Variants in PDE12 observed in about 807,000 individuals in gnomAD.
PDE12 encodes the protein 2',5'-phosphodiesterase 12.
Under a neutral mutation model 45.4 loss-of-function variants are expected in PDE12, and 26 were observed. The ratio of observed to expected loss-of-function variants is 0.57; its 90% CI spans 0.42 to 0.79. The LOEUF is 0.79. Among genes scored for constraint, PDE12 ranks in the 30% least tolerant of loss-of-function variants. The pLI, the probability that PDE12 is intolerant of heterozygous loss-of-function variation, is 0.00. For synonymous variants in PDE12, 283 were observed against 323.9 expected (o/e 0.87, Z 1.36); for missense variants, 668 against 790.0 (o/e 0.85, Z 1.85).
the PDE12 span, among the ~76,000 whole-genome samples, chr3:57,623,678 C>A: frequency 6.6e-6 from 1 of 151,900 alleles, no homozygotes; most frequent in Non-Finnish European, 1.5e-5. Flanking sequence ...GACTCCCTCT[C>A]AAAAAAATAA....
chr3:57,590,080 ACT>A, the PDE12 span, among the ~76,000 whole-genome samples: 1 of 142,662 alleles, frequency 7.0e-6, no homozygotes, highest in Non-Finnish European at 1.5e-5. Context: ...ACAGACCAAG[ACT>A]CTGTCTCAAT....
the PDE12 span, among the ~76,000 whole-genome samples, chr3:57,582,711 C>T: frequency 7.0e-6 from 1 of 143,358 alleles, no homozygotes; most frequent in Admixed American, 7.4e-5. Context: ...CATTGCAAGT[C>T]TTAAAAATAT....
the PDE12 span, among the ~76,000 whole-genome samples, chr3:57,624,015 G>T: frequency 6.6e-6 from 1 of 152,070 alleles, no homozygotes; most frequent in Non-Finnish European, 1.5e-5. Context: ...TATAGACAGG[G>T]TCTCACTCTG....
chr3:57,572,479 G>A, the PDE12 span, among the ~76,000 whole-genome samples: 4 of 152,148 alleles, frequency 2.6e-5, no homozygotes, highest in African/African-American at 9.7e-5. Flanking sequence ...CCAGCACTTT[G>A]GGAGGCGGAG....
chr3:57,606,964 A>AC, the PDE12 span, among the ~76,000 whole-genome samples: 1 of 151,986 alleles, frequency 6.6e-6, no homozygotes, highest in African/African-American at 2.4e-5. Context: ...TGGGTCCCTG[A>AC]CCCCCGAGTA....
chr3:57,604,627 G>GC, the PDE12 span, among the ~76,000 whole-genome samples: 3 of 40,472 alleles, frequency 7.4e-5, no homozygotes, highest in East Asian at 9.1e-4. Context: ...TGGGGGGGGT[G>GC]GGTGGGACAG....
At chr3:57,577,301 A>C in the PDE12 span, 2 of 1,603,746 alleles carry the variant, frequency 1.2e-6, no homozygotes, top group Non-Finnish European at 1.7e-6. Flanking sequence ...GATGAATTTA[A>C]AGTATATTTC....
chr3:57,631,223 G>A, the PDE12 span: 1 of 431,510 alleles, frequency 2.3e-6, no homozygotes, highest in South Asian at 3.0e-5. Flanking sequence ...TTGAGACAGA[G>A]CCTTGTTCTG....
the PDE12 span, chr3:57,597,211 G>A: frequency 1.4e-6 from 2 of 1,447,364 alleles, no homozygotes; most frequent in African/African-American, 2.8e-5. Flanking sequence ...CTCCTTTCAA[G>A]CTCCCAGGCA....
At chr3:57,639,405 C>A in the PDE12 span, among the ~76,000 whole-genome samples, 1 of 152,080 alleles carries the variant, frequency 6.6e-6, no homozygotes, top group Admixed American at 6.6e-5. Context: ...TGATTTTGTG[C>A]AAAAGTTATC....
the PDE12 span, among the ~76,000 whole-genome samples, chr3:57,618,607 G>GTTTTTTTTTTTTT: frequency 3.1e-3 from 246 of 79,374 alleles, 10 homozygotes; most frequent in Non-Finnish European, 3.9e-3. Flanking sequence ...TTGCTTTTGT[G>GTTTTTTTTTTTTT]TTTTTTTTTT....
chr3:57,634,084 C>T, the PDE12 span, among the ~76,000 whole-genome samples: 881 of 152,178 alleles, frequency 5.8e-3, 8 homozygotes, highest in African/African-American at 0.02. Flanking sequence ...GCCCCAAATT[C>T]ATGCCCATAC....
At chr3:57,583,805 A>G in the PDE12 span, 2 of 866,842 alleles carry the variant, frequency 2.3e-6, no homozygotes, top group African/African-American at 3.5e-5. Context: ...CTCATAGTAA[A>G]CACCAATATC....
rs1318455627 is a variant in PDE12, at chr3:57,564,464, C to T, written c.*4460C>T. The T allele has an allele frequency of 1.3e-5, 2 of 152,134 alleles. No individual in the cohort carries two copies. The highest frequency in any genetic ancestry group is 4.8e-5 in the African/African-American group (2 of 41,440). The allele number at this position is 152,134 out of a possible 1,614,324, so 9.4% of individuals were successfully genotyped here. On this transcript the variant is annotated 3_prime_UTR_variant, in exon 3 of 3. Coordinates refer to ENST00000311180, the MANE Select transcript of PDE12 (RefSeq NM_177966.7). ...TGTATGTCAAAGCATTTATATAACA[C>T]AGTCCATTTTGCCCAGTAATTCACT...
the PDE12 span, among the ~76,000 whole-genome samples, chr3:57,582,418 T>C: frequency 7.0e-6 from 1 of 143,272 alleles, no homozygotes; most frequent in South Asian, 2.5e-4. Context: ...AATTTTTGTA[T>C]TTTTAGTAAA....
At chr3:57,628,380 C>T in the PDE12 span, 1 of 1,604,328 alleles carries the variant, frequency 6.2e-7, no homozygotes, top group African/African-American at 1.3e-5. Flanking sequence ...TTTAAATTAT[C>T]CTCAGAATCT....
In PDE12 at chr3:57,556,959, CT is replaced by C; in HGVS notation, c.584del (p.Phe195SerfsTer50). The C allele has an allele frequency of 6.2e-7, 1 of 1,614,222 alleles. No individual in the cohort carries two copies. The highest frequency in any genetic ancestry group is 8.5e-7 in the Non-Finnish European group (1 of 1,180,048). ...CGAATTTGGGGATCCCGCCAGCTCC[CT>C]TTTCCGCTGGTATAAGGAAGCCAAG... Reference protein sequence around the residue: ...SLEFGDPASSLFRWYKEAKPG... With the variant: ...SLEFGDPASSXFRWYKEAKPG... On this transcript the variant is annotated frameshift_variant, in exon 1 of 3. Transcript: ENST00000311180. LOFTEE classifies it high-confidence loss of function. This position sits in a 1 kb window ranked among gnomAD's most constrained non-coding sequence, Gnocchi z 5.0.
chr3:57,628,232 G>T, the PDE12 span: 1 of 1,613,316 alleles, frequency 6.2e-7, no homozygotes, highest in South Asian at 1.1e-5. Context: ...TGCCCGTTTT[G>T]AGCAGTATGC....
At chr3:57,648,312 C>T in the PDE12 span, among the ~76,000 whole-genome samples, 1 of 152,170 alleles carries the variant, frequency 6.6e-6, no homozygotes, top group South Asian at 2.1e-4. Flanking sequence ...AAGACCTCTA[C>T]AGGGAAAATG....
Sources: gnomAD v4.1 joint callset for allele counts (sites outside exome capture counted in the v4.1 genomes callset) on GRCh38, gnomAD v4.1.1 for gene constraint, Gnocchi (gnomAD v3.1) non-coding constraint, MANE v1.5 for transcripts, NCBI Gene and HGNC (gene_info 2026-07-23, HGNC 2026-07-21) for gene names.